Variants in TSPAN1 observed in about 807,000 individuals in gnomAD.
TSPAN1 encodes the protein tetraspanin-1.
TSPAN1 carries 23 observed loss-of-function variants against 26.9 expected under a neutral mutation model. The observed-to-expected ratio is 0.85, with a 90% CI of 0.62 to 1.21. TSPAN1 has a LOEUF of 1.21. Ranked by LOEUF, TSPAN1 falls within the 50% of genes most tolerant of loss-of-function variation. TSPAN1 has a pLI of 0.00. For synonymous variants in TSPAN1, 115 were observed against 114.8 expected, an observed-to-expected ratio of 1.00 and a Z score of -0.01; for missense variants, 283 against 298.4, an observed-to-expected ratio of 0.95 and a Z score of 0.38.
At chr1:46,189,758 G>A, downstream of TSPAN1, 8 of 1,583,168 alleles carry the variant, frequency 5.1e-6, no homozygotes, top group Non-Finnish European at 6.9e-6. Context: ...AGGAGGTTCT[G>A]AGGTTGAAGA....
chr1:46,185,652 A>T lies in TSPAN1; in HGVS notation c.*119A>T. 2 of 1,181,062 alleles carry T rather than the reference A, an allele frequency of 1.7e-6. No homozygotes were observed. Among genetic ancestry groups the T allele is most frequent in the Non-Finnish European group, 2.5e-6 (2 of 814,426 alleles). The allele number at this position is 1,181,062 out of a possible 1,614,324, so 73.2% of individuals were successfully genotyped here. Reference sequence around the variant, plus strand: ...AACAATGTCACTTGGGCCAGAATGGACCTGCCCTTTCTGCTCCAGACTTGG... The same window carrying T: ...AACAATGTCACTTGGGCCAGAATGGTCCTGCCCTTTCTGCTCCAGACTTGG... On this transcript the variant is annotated 3_prime_UTR_variant, in exon 9 of 9. Transcript: ENST00000372003.
chr1:46,192,793 G>GC, the TSPAN1 span: 10 of 1,586,992 alleles, frequency 6.3e-6, no homozygotes, highest in Non-Finnish European at 7.8e-6. Flanking sequence ...CCCAGGCTTC[G>GC]CCCCCACTTG....
chr1:46,176,274 G>A, intron 1 of TSPAN1: 1 of 1,535,808 alleles, frequency 6.5e-7, no homozygotes, highest in South Asian at 1.2e-5. Flanking sequence ...TGTGGGTGTT[G>A]TTGATACCCA....
intron 1 of TSPAN1, chr1:46,176,585 G>A: frequency 7.6e-7 from 1 of 1,313,950 alleles, no homozygotes; most frequent in Non-Finnish European, 1.0e-6. Flanking sequence ...CAAGTCGTGG[G>A]CCCTGGCCCC....
At chr1:46,186,664 GTT>G (rs759573351), downstream of TSPAN1, among the ~76,000 whole-genome samples, 3 of 71,816 alleles carry the variant, frequency 4.2e-5, no homozygotes, top group African/African-American at 5.8e-5. Context: ...TAATTTTTGT[GTT>G]TTTTTTTTTT....
At chr1:46,189,755 T>C (rs1240414370), downstream of TSPAN1, 1 of 1,579,830 alleles carries the variant, frequency 6.3e-7, no homozygotes, top group Non-Finnish European at 8.6e-7. Context: ...AAGAGGAGGT[T>C]CTGAGGTTGA....
chr1:46,188,581 T>C (rs1026935579), downstream of TSPAN1: 14 of 1,418,814 alleles, frequency 9.9e-6, no homozygotes, highest in African/African-American at 4.3e-5. Flanking sequence ...AGATAAACTC[T>C]GTGGAGGACA....
intron 1 of TSPAN1, 34 bp downstream of exon 1, chr1:46,175,443 C>T (rs980446238): frequency 2.1e-4 from 84 of 395,550 alleles, no homozygotes; most frequent in African/African-American, 1.5e-3. Context: ...CCCTCACGCC[C>T]TGCATAGTCA....
the TSPAN1 span, chr1:46,191,926 G>A: frequency 3.6e-6 from 4 of 1,108,298 alleles, no homozygotes; most frequent in East Asian, 2.8e-5. Flanking sequence ...GAGCCACCGC[G>A]CCCAGCCCTT....
intron 3 of TSPAN1, among the ~76,000 whole-genome samples, chr1:46,183,045 A>G (rs1657349038): frequency 6.6e-6 from 1 of 152,056 alleles, no homozygotes. Context: ...GAACTCCTGG[A>G]CTTAAGTGAT....
At chr1:46,182,200 G>A (rs901063556) in intron 3 of TSPAN1, among the ~76,000 whole-genome samples, 2 of 150,854 alleles carry the variant, frequency 1.3e-5, no homozygotes, top group Admixed American at 6.6e-5. Flanking sequence ...AGCTGGCCAT[G>A]GGTATTTGAA....
chr1:46,196,081 C>T, the TSPAN1 span: 1 of 1,614,004 alleles, frequency 6.2e-7, no homozygotes, highest in Non-Finnish European at 8.5e-7. The surrounding 1 kb of genome is among the most constrained non-coding windows in gnomAD (Gnocchi z 4.4). Context: ...CCAGCACCTA[C>T]ACAGTGGCAG....
chr1:46,194,883 C>T, the TSPAN1 span: 4 of 1,614,186 alleles, frequency 2.5e-6, no homozygotes, highest in African/African-American at 2.7e-5. Context: ...TCCCTCCAGC[C>T]CAGGGCAGGG....
intron 3 of TSPAN1, among the ~76,000 whole-genome samples, chr1:46,182,890 C>T (rs952346551): frequency 5.3e-5 from 8 of 152,084 alleles, no homozygotes; most frequent in Non-Finnish European, 8.8e-5. Context: ...CTTACTGCAG[C>T]GTCAACCTCC....
Position 46,184,316 on chromosome 1 carries a change from C to T in TSPAN1, c.183C>T (p.Ile61=), listed in dbSNP as rs756590253. 69 of 1,614,062 alleles carry T rather than the reference C, an allele frequency of 4.3e-5. No homozygotes were observed. The highest frequency in any genetic ancestry group is 1.7e-4 in the African/African-American group (13 of 74,902). ...TTGTCAACGTGGGCTACTTCCTCAT[C>T]GCAGCCGGCGTTGTGGTCTTTGCTC... is the stretch of plus-strand genomic sequence containing the variant. ...MQFVNVGYFL[I]AAGVVVFALG... is the part of the protein sequence containing the mutation. The change falls in exon 4 of 9, where the codon ATC becomes ATT. Residue 61 remains isoleucine (I), a synonymous_variant. Transcript: ENST00000372003.
downstream of TSPAN1, chr1:46,188,824 G>A (rs1657514743): frequency 6.2e-7 from 1 of 1,612,790 alleles, no homozygotes; most frequent in African/African-American, 1.3e-5. Flanking sequence ...CCCCAGCTGG[G>A]CCTGTCCATG....
chr1:46,189,258 CT>C (rs1391347556), downstream of TSPAN1: 5 of 1,612,388 alleles, frequency 3.1e-6, no homozygotes, highest in African/African-American at 6.7e-5. Context: ...CCGCAGGGTC[CT>C]GGAGGAGGTC....
intron 1 of TSPAN1, among the ~76,000 whole-genome samples, chr1:46,176,039 A>AT (rs796881774): frequency 4.6e-4 from 70 of 151,524 alleles, no homozygotes; most frequent in South Asian, 1.3e-3. Flanking sequence ...CGCCCGGCTA[A>AT]TTTTTTTTTG....
At chr1:46,193,432 T>C in the TSPAN1 span, 576,210 of 1,602,566 alleles carry the variant, frequency 0.36, 105,720 homozygotes, top group African/African-American at 0.45. Flanking sequence ...TCACTTTCCC[T>C]CTGCCCACCT....
Sources: allele counts gnomAD v4.1 joint callset (sites outside exome capture counted in the v4.1 genomes callset), GRCh38; gene constraint gnomAD v4.1.1; non-coding constraint Gnocchi (gnomAD v3.1); transcripts MANE v1.5; gene names NCBI Gene and HGNC (gene_info 2026-07-23, HGNC 2026-07-21).